The following CSTF3 variants were observed in gnomAD, a reference collection of about 807,000 sequenced individuals.
CSTF3 encodes CF-1 77 kDa subunit.
A neutral mutation model predicts 105.8 loss-of-function variants in CSTF3; 29 were observed. The observed-to-expected ratio is 0.27, with a 90% confidence interval of 0.20 to 0.37. The LOEUF (loss-of-function observed/expected upper bound fraction) is 0.37, where lower values mean the gene tolerates loss of function less well. Ranked by LOEUF, CSTF3 falls within the 10% of genes least tolerant of loss-of-function variation. CSTF3 has a pLI of 1.00. For missense variants in CSTF3, 357 were observed against 879.3 expected, an observed-to-expected ratio of 0.41 and a Z score of 7.51; for synonymous variants, 252 against 281.9, an observed-to-expected ratio of 0.89 and a Z score of 1.06.
intron 3 of CSTF3, chr11:33,136,050 T>G (rs1043540474): frequency 2.6e-5 from 4 of 152,528 alleles, no homozygotes; most frequent in African/African-American, 7.2e-5. Context: ...TATTGCTTAA[T>G]TAACACTTGC....
intron 3 of CSTF3, chr11:33,141,460 A>C (rs1855709497): frequency 7.7e-7 from 1 of 1,302,496 alleles, no homozygotes. Flanking sequence ...ATGTTGTTGC[A>C]ACTCCAAAAT....
chr11:33,105,833 T>C, intron 7 of CSTF3, 50 bp downstream of exon 7: 2 of 1,530,334 alleles, frequency 1.3e-6, no homozygotes, highest in Non-Finnish European at 1.8e-6. Context: ...AAAAATTATA[T>C]TTTAGCTAAA....
Position 33,102,281 on chromosome 11 carries a change from T to C in CSTF3, c.722A>G (p.Asn241Ser). 6.2e-7 allele frequency: 1 copy of C among 1,614,072 alleles called. No individual in the cohort carries two copies. The highest frequency in any genetic ancestry group is 8.5e-7 in the Non-Finnish European group (1 of 1,179,934). Residue 241 changes from asparagine to serine, a missense_variant, in exon 10 of 21, where the codon AAT becomes AGT. Physicochemically the swap from Asn to Ser is conservative, Grantham distance 46. Coordinates refer to ENST00000323959, the MANE Select transcript of CSTF3 (RefSeq NM_001326.3). ...DRNAPSVPPQ[N>S]TPQEAQQVDM... ...TACTTGTTGAGCTTCTTGAGGAGTA[T>C]TCTGAGGAGGCACCGAGGGAGCATT...
chr11:33,153,349 A>G (rs1038284685), intron 1 of CSTF3, among the ~76,000 whole-genome samples: 2 of 152,226 alleles, frequency 1.3e-5, no homozygotes, highest in African/African-American at 4.8e-5. Context: ...GGAAAGCCCT[A>G]TGAGTTATGC....
intron 18 of CSTF3, 133 bp downstream of exon 18, chr11:33,086,855 T>C (rs1359168005): frequency 1.9e-5 from 19 of 1,018,148 alleles, no homozygotes; most frequent in Non-Finnish European, 2.9e-5. Flanking sequence ...TAAAGCTAAA[T>C]CACTTGTCAT....
At position 33,161,331 on chromosome 11, in the gene CSTF3, CA is replaced by C. The variant is rs1849940579; in HGVS notation, c.-7del. ...GTGGCTCCGTCTCCTGACATGGCCT[CA>C]GCTGATTACAACGTGCGCACTGACC... is the stretch of plus-strand genomic sequence containing the variant. On this transcript the variant is annotated 5_prime_UTR_variant, in exon 1 of 21. Coordinates refer to ENST00000323959, the MANE Select transcript of CSTF3 (RefSeq NM_001326.3). The C allele has an allele frequency of 6.2e-7, 1 of 1,612,708 alleles. No individual in the cohort carries two copies. Among genetic ancestry groups the C allele is most frequent in the South Asian group, 1.1e-5 (1 of 91,092 alleles).
At chr11:33,158,263 ACTTAAGGAAAAGAT>A (rs2133812109) in intron 1 of CSTF3, among the ~76,000 whole-genome samples, 1 of 152,324 alleles carries the variant, frequency 6.6e-6, no homozygotes, top group South Asian at 2.1e-4. Context: ...TGCCTTTCAG[ACTTAAGGAAAAGAT>A]ATAAGAACCA....
chr11:33,090,317 C>G (rs1440303682), intron 17 of CSTF3, among the ~76,000 whole-genome samples: 2 of 152,164 alleles, frequency 1.3e-5, no homozygotes, highest in African/African-American at 4.8e-5. Flanking sequence ...CAGAATGAAA[C>G]TATTAAATCC....
intron 3 of CSTF3, among the ~76,000 whole-genome samples, chr11:33,118,520 G>A (rs1855456172): frequency 6.6e-6 from 1 of 151,824 alleles, no homozygotes; most frequent in South Asian, 2.1e-4. Flanking sequence ...TGAGAAAAGT[G>A]AGTAATTTAG....
intron 3 of CSTF3, among the ~76,000 whole-genome samples, chr11:33,121,202 GA>G (rs946533042): frequency 1.1e-4 from 16 of 151,990 alleles, no homozygotes; most frequent in African/African-American, 3.9e-4. Context: ...GAAAAACAAA[GA>G]AAAAATTCAG....
chr11:33,120,580 T>C (rs1374618099), intron 3 of CSTF3, among the ~76,000 whole-genome samples: 1 of 151,908 alleles, frequency 6.6e-6, no homozygotes, highest in East Asian at 1.9e-4. Context: ...TTAGGTTAAG[T>C]GTATTTTCTC....
chr11:33,139,752 A>G (rs1404769095), intron 3 of CSTF3, among the ~76,000 whole-genome samples: 2 of 151,884 alleles, frequency 1.3e-5, no homozygotes, highest in Non-Finnish European at 2.9e-5. Flanking sequence ...GCGCGTGTGT[A>G]TGTTTGTGTG....
At chr11:33,130,302 G>GTC (rs576293279) in intron 3 of CSTF3, among the ~76,000 whole-genome samples, 6 of 152,062 alleles carry the variant, frequency 3.9e-5, no homozygotes, top group African/African-American at 1.4e-4. Context: ...GTGAAAGCCT[G>GTC]TCTCTACTAA....
At chr11:33,108,970 A>G (rs1057443404) in intron 3 of CSTF3, among the ~76,000 whole-genome samples, 1 of 152,198 alleles carries the variant, frequency 6.6e-6, no homozygotes, top group African/African-American at 2.4e-5. Flanking sequence ...GTGGAAGGTC[A>G]TTGTAAGATA....
At chr11:33,119,363 T>C (rs1350931854) in intron 3 of CSTF3, among the ~76,000 whole-genome samples, 1 of 151,890 alleles carries the variant, frequency 6.6e-6, no homozygotes, top group African/African-American at 2.4e-5. Flanking sequence ...AACTTTCTTG[T>C]TGGCAATTTA....
In CSTF3 at chr11:33,108,522, T is replaced by C. The variant is rs934641244; in HGVS notation, c.226-104A>G. 56 of 821,162 alleles carry C rather than the reference T, an allele frequency of 6.8e-5. No homozygotes were observed. The South Asian group carries it at 1.5e-3, about 22-fold the overall frequency. The allele number at this position is 821,162 out of a possible 1,614,324, so 50.9% of individuals were successfully genotyped here. A position where few individuals can be genotyped will look rare whatever the true frequency, so the allele number is the denominator to read the frequency against. On this transcript the variant is annotated intron_variant, in intron 3 of 20. Coordinates refer to ENST00000323959, the MANE Select transcript of CSTF3 (RefSeq NM_001326.3). Reference sequence around the variant, plus strand: ...AACTTTGCAAATTCATCCCTATAGTTTCTTATTAATTTTTCTGTTACTTTC... The same window carrying C: ...AACTTTGCAAATTCATCCCTATAGTCTCTTATTAATTTTTCTGTTACTTTC...
At chr11:33,086,013 A>T (rs767853941) in intron 18 of CSTF3, 24 bp from the exon 19 acceptor site, 25 of 1,391,832 alleles carry the variant, frequency 1.8e-5, no homozygotes, top group Non-Finnish European at 2.4e-5. Flanking sequence ...AAAAGTATGA[A>T]TCAAGTGGAA....
At chr11:33,156,803 C>A (rs1849872129) in intron 1 of CSTF3, 2 of 408,414 alleles carry the variant, frequency 4.9e-6, no homozygotes, top group Admixed American at 3.1e-5. Context: ...CTCGTCTCTA[C>A]CTAAATAGTA....
rs34462847 is a variant in CSTF3, at chr11:33,154,491, CTTTTT to C, written c.27+6803_27+6807del. 3.7e-3 allele frequency among the ~76,000 whole-genome samples: 224 copies of C among 60,870 alleles called. 1 individual carries two copies. Among genetic ancestry groups the C allele is most frequent in the African/African-American group, 8.0e-3 (214 of 26,830 alleles). 39.9% of individuals were successfully genotyped at this position (60,870 alleles called of 152,430 possible). A position where few individuals can be genotyped will look rare whatever the true frequency, so the allele number is the denominator to read the frequency against. On this transcript the variant is annotated intron_variant, in intron 1 of 20. Transcript: ENST00000323959. ...CCGGAGTAGCACTCCGTAAGACTTT[CTTTTT>C]TTTTTTTTTTTTTTTTTTGAGATGA...
Sources: gnomAD v4.1 joint callset for allele counts (sites outside exome capture counted in the v4.1 genomes callset) on GRCh38, gnomAD v4.1.1 for gene constraint, MANE v1.5 for transcripts, NCBI Gene and HGNC (gene_info 2026-07-23, HGNC 2026-07-21) for gene names.